Variants in PTPRD observed in about 807,000 individuals in gnomAD.
PTPRD encodes the protein receptor-type tyrosine-protein phosphatase delta.
PTPRD carries 34 observed loss-of-function variants against 214.5 expected under a neutral mutation model. That is an observed-to-expected ratio of 0.16 (90% confidence interval 0.12 to 0.21). The LOEUF is 0.21. Among genes scored for constraint, PTPRD ranks in the 10% least tolerant of loss-of-function variants. PTPRD has a pLI of 1.00. For missense variants in PTPRD, 2,545 were observed against 2,398.7 expected (o/e 1.06, Z -1.27); for synonymous variants, 1,128 against 845.7 (o/e 1.33, Z -5.79).
chr9:9,454,522 T>C (rs1469207861), intron 8 of PTPRD, among the ~76,000 whole-genome samples: 2 of 151,806 alleles, frequency 1.3e-5, no homozygotes, highest in Non-Finnish European at 2.9e-5. Flanking sequence ...TCCCCACTAC[T>C]GATCAGAAAT....
intron 12 of PTPRD, among the ~76,000 whole-genome samples, chr9:8,649,974 G>T (rs1354039572): frequency 1.3e-5 from 2 of 152,056 alleles, no homozygotes; most frequent in African/African-American, 4.8e-5. Flanking sequence ...CTGGACTGCA[G>T]TTGCATAATC....
At chr9:9,656,338 T>A (rs769876606) in intron 7 of PTPRD, among the ~76,000 whole-genome samples, 1 of 152,162 alleles carries the variant, frequency 6.6e-6, no homozygotes, top group African/African-American at 2.4e-5. Flanking sequence ...TTATTGACAA[T>A]TGTCAAAACT....
chr9:9,563,001 C>A (rs564217815), intron 8 of PTPRD, among the ~76,000 whole-genome samples: 1 of 152,116 alleles, frequency 6.6e-6, no homozygotes, highest in Non-Finnish European at 1.5e-5. Context: ...ATATTTATTG[C>A]TAGATGAATG....
At chr9:9,940,333 G>C (rs897111546) in intron 4 of PTPRD, among the ~76,000 whole-genome samples, 1 of 152,058 alleles carries the variant, frequency 6.6e-6, no homozygotes, top group Non-Finnish European at 1.5e-5. Flanking sequence ...CTACCTATGG[G>C]ACAAACCTCA....
chr9:9,658,892 T>C (rs188475930), intron 7 of PTPRD, among the ~76,000 whole-genome samples: 5 of 152,218 alleles, frequency 3.3e-5, no homozygotes, highest in East Asian at 1.9e-4. Context: ...ACTGAGGTAA[T>C]AAGAGTTAGA....
intron 7 of PTPRD, among the ~76,000 whole-genome samples, chr9:9,674,237 G>C (rs1019240887): frequency 5.3e-5 from 8 of 151,680 alleles, no homozygotes; most frequent in African/African-American, 1.4e-4. Flanking sequence ...GGTATTTTAG[G>C]TATTGATACT....
At chr9:9,857,457 T>C (rs1049812100) in intron 5 of PTPRD, among the ~76,000 whole-genome samples, 3 of 152,206 alleles carry the variant, frequency 2.0e-5, no homozygotes, top group African/African-American at 7.2e-5. Flanking sequence ...ATTGCTTTTT[T>C]ATTTATCTCA....
At chr9:8,788,107 C>G (rs968634301) in intron 11 of PTPRD, among the ~76,000 whole-genome samples, 1 of 151,978 alleles carries the variant, frequency 6.6e-6, no homozygotes, top group Non-Finnish European at 1.5e-5. Context: ...CAGGATGTAT[C>G]GAAAACATTC....
intron 8 of PTPRD, among the ~76,000 whole-genome samples, chr9:9,563,914 A>G (rs1205590835): frequency 1.3e-5 from 2 of 152,124 alleles, no homozygotes. Flanking sequence ...TCTTCTCCAC[A>G]TGACTTAGCC....
At chr9:9,880,147 T>C (rs1202725235) in intron 5 of PTPRD, among the ~76,000 whole-genome samples, 1 of 152,168 alleles carries the variant, frequency 6.6e-6, no homozygotes, top group Non-Finnish European at 1.5e-5. Flanking sequence ...TCACAAGATC[T>C]GGTTAAGTGT....
chr9:10,263,036 G>A (rs907959258), intron 3 of PTPRD, among the ~76,000 whole-genome samples: 1 of 152,122 alleles, frequency 6.6e-6, no homozygotes, highest in African/African-American at 2.4e-5. Context: ...TCTCTTGCCT[G>A]CCACCATGTA....
At chr9:8,673,036 C>A (rs1188487080) in intron 12 of PTPRD, among the ~76,000 whole-genome samples, 2 of 152,054 alleles carry the variant, frequency 1.3e-5, no homozygotes, top group African/African-American at 4.8e-5. Flanking sequence ...ACCTGCAAAA[C>A]TTAGGTATTT....
intron 3 of PTPRD, among the ~76,000 whole-genome samples, chr9:10,335,968 G>T (rs1349822794): frequency 6.6e-6 from 1 of 151,738 alleles, no homozygotes; most frequent in East Asian, 1.9e-4. Context: ...TGGAACAACA[G>T]GAACACTCAT....
intron 9 of PTPRD, among the ~76,000 whole-genome samples, chr9:9,318,725 G>C (rs570952518): frequency 7.9e-5 from 12 of 152,028 alleles, no homozygotes; most frequent in Non-Finnish European, 1.5e-4. Flanking sequence ...ACAACATCCA[G>C]ACAGTTGTCT....
chr9:8,427,297 T>A (rs962435548), intron 35 of PTPRD, among the ~76,000 whole-genome samples: 17 of 152,220 alleles, frequency 1.1e-4, no homozygotes, highest in Non-Finnish European at 1.9e-4. Context: ...GCTTCACTGC[T>A]GATAGATCAG....
rs111785163 is a variant in PTPRD, at chr9:10,381,749, A to G, written c.-599-40732T>C. Among the ~76,000 whole-genome samples the G allele has an allele frequency of 5.7e-3, 872 of 152,006 alleles. 8 individuals are homozygous for G. The highest frequency in any genetic ancestry group is 0.02 in the African/African-American group (829 of 41,504). On this transcript the variant is annotated intron_variant, in intron 2 of 45. Coordinates refer to ENST00000381196, the MANE Select transcript of PTPRD (RefSeq NM_002839.4). The stretch of plus-strand genomic sequence containing the variant: ...TTTTGGCTCTGTGTGACTTTTATAT[A>G]TTATATTTGTGTAGCACTAGTGTGG...
At chr9:10,231,985 A>AGTGTGTGTGTGTGT (rs1424117716) in intron 3 of PTPRD, among the ~76,000 whole-genome samples, 24 of 96,246 alleles carry the variant, frequency 2.5e-4, no homozygotes, top group East Asian at 1.7e-3. Flanking sequence ...AGAGAGAGAG[A>AGTGTGTGTGTGTGT]GAGAGTGTGT....
chr9:8,587,338 A>T (rs1401131682), intron 14 of PTPRD, among the ~76,000 whole-genome samples: 1 of 152,160 alleles, frequency 6.6e-6, no homozygotes, highest in Non-Finnish European at 1.5e-5. Context: ...TTATATTTTA[A>T]TAATTTTGTT....
At chr9:9,715,699 T>C (rs977942878) in intron 7 of PTPRD, among the ~76,000 whole-genome samples, 8 of 152,186 alleles carry the variant, frequency 5.3e-5, no homozygotes, top group South Asian at 2.1e-4. Flanking sequence ...TATTTGTTCC[T>C]AACAATGAGC....
Sources: gnomAD v4.1 joint callset for allele counts (sites outside exome capture counted in the v4.1 genomes callset) on GRCh38, gnomAD v4.1.1 for gene constraint, MANE v1.5 for transcripts, NCBI Gene and HGNC (gene_info 2026-07-23, HGNC 2026-07-21) for gene names.